ENOX1: variants seen among roughly 807,000 people sequenced by gnomAD.
ENOX1 encodes candidate growth-related and time keeping constitutive hydroquinone (NADH) oxidase.
ENOX1 carries 42 observed loss-of-function variants against 82.5 expected under a neutral mutation model. The observed-to-expected ratio is 0.51, with a 90% CI of 0.40 to 0.66. ENOX1 has a LOEUF of 0.66. Among genes scored for constraint, ENOX1 ranks in the 30% least tolerant of loss-of-function variants. ENOX1 has a pLI of 0.00. For synonymous variants in ENOX1, 271 were observed against 282.2 expected (o/e 0.96, Z 0.40); for missense variants, 608 against 811.6 (o/e 0.75, Z 3.05).
intron 11 of ENOX1, among the ~76,000 whole-genome samples, chr13:43,306,643 C>T (rs991807191): frequency 2.0e-5 from 3 of 152,162 alleles, no homozygotes; most frequent in Admixed American, 6.5e-5. Flanking sequence ...AAACAGCAAT[C>T]CTTCCCTCCA....
chr13:43,533,510 C>G (rs957521693), intron 2 of ENOX1, among the ~76,000 whole-genome samples: 1 of 152,126 alleles, frequency 6.6e-6, no homozygotes, highest in Non-Finnish European at 1.5e-5. Context: ...TGTCACCCAA[C>G]TACCTTCCTG....
intron 14 of ENOX1, among the ~76,000 whole-genome samples, chr13:43,250,433 T>C (rs1320787960): frequency 1.3e-5 from 2 of 152,216 alleles, no homozygotes; most frequent in African/African-American, 2.4e-5. Flanking sequence ...ACAGGCGGCA[T>C]TGTGCCTGTC....
At chr13:43,286,750 T>C (rs2045721972) in intron 12 of ENOX1, among the ~76,000 whole-genome samples, 1 of 152,212 alleles carries the variant, frequency 6.6e-6, no homozygotes, top group South Asian at 2.1e-4. Context: ...AGAAGTGAAT[T>C]CAGAGATTTA....
intron 1 of ENOX1, among the ~76,000 whole-genome samples, chr13:43,722,514 A>T (rs185935572): frequency 2.4e-3 from 367 of 152,360 alleles, no homozygotes; most frequent in Non-Finnish European, 3.7e-3. Context: ...CTTTGAGAGT[A>T]CAGGACTACC....
At chr13:43,525,641 C>T (rs887077952) in intron 2 of ENOX1, among the ~76,000 whole-genome samples, 6 of 152,028 alleles carry the variant, frequency 3.9e-5, no homozygotes, top group Non-Finnish European at 8.8e-5. Flanking sequence ...CTAACCAACA[C>T]TTATTTGGTT....
At chr13:43,609,699 C>CATTTT (rs147557124) in intron 2 of ENOX1, among the ~76,000 whole-genome samples, 1 of 152,134 alleles carries the variant, frequency 6.6e-6, no homozygotes, top group Non-Finnish European at 1.5e-5. Context: ...TAAACCATGT[C>CATTTT]ATTTTATTTT....
At chr13:43,409,683 G>C (rs888565422) in intron 5 of ENOX1, among the ~76,000 whole-genome samples, 1 of 152,116 alleles carries the variant, frequency 6.6e-6, no homozygotes, top group Non-Finnish European at 1.5e-5. Flanking sequence ...GTAATCTAGA[G>C]ATTTGATGAA....
intron 2 of ENOX1, among the ~76,000 whole-genome samples, chr13:43,642,846 C>T (rs1319943512): frequency 2.0e-5 from 3 of 152,222 alleles, no homozygotes; most frequent in African/African-American, 7.2e-5. Flanking sequence ...TTTGAACTTC[C>T]TTCACGTAAG....
chr13:43,582,039 G>A (rs955204403), intron 2 of ENOX1, among the ~76,000 whole-genome samples: 3 of 151,946 alleles, frequency 2.0e-5, no homozygotes, highest in Non-Finnish European at 4.4e-5. Context: ...CACAAAATTT[G>A]AAAATCTATT....
intron 2 of ENOX1, among the ~76,000 whole-genome samples, chr13:43,647,800 T>C (rs1004324992): frequency 2.5e-4 from 38 of 152,222 alleles, no homozygotes; most frequent in African/African-American, 9.2e-4. Flanking sequence ...GGCCTGGAGA[T>C]GGGAGATTAT....
chr13:43,535,382 G>T (rs145007110), intron 2 of ENOX1, among the ~76,000 whole-genome samples: 1 of 152,182 alleles, frequency 6.6e-6, no homozygotes, highest in Admixed American at 6.5e-5. Context: ...TATGTAGCAA[G>T]ATCCATCTTT....
At chr13:43,366,869 A>G (rs1298525258) in intron 5 of ENOX1, among the ~76,000 whole-genome samples, 1 of 152,244 alleles carries the variant, frequency 6.6e-6, no homozygotes, top group African/African-American at 2.4e-5. Flanking sequence ...ACAAAACCAA[A>G]GTGTTCAGCA....
intron 2 of ENOX1, among the ~76,000 whole-genome samples, chr13:43,532,411 C>A (rs1203952264): frequency 6.6e-6 from 1 of 152,126 alleles, no homozygotes. Context: ...CCTGATAGAT[C>A]CTTTTTTATG....
chr13:43,276,947 C>T (rs889080133), intron 12 of ENOX1, among the ~76,000 whole-genome samples: 1 of 152,188 alleles, frequency 6.6e-6, no homozygotes, highest in African/African-American at 2.4e-5. Context: ...TGAAACTGCA[C>T]TCAATTTACA....
At chr13:43,303,272 C>A (rs959828066) in intron 11 of ENOX1, among the ~76,000 whole-genome samples, 2 of 152,240 alleles carry the variant, frequency 1.3e-5, no homozygotes, top group African/African-American at 4.8e-5. Flanking sequence ...TCCTCAGCCA[C>A]GATCCTGCCT....
intron 2 of ENOX1, among the ~76,000 whole-genome samples, chr13:43,508,587 G>C (rs2077258502): frequency 6.6e-6 from 1 of 151,834 alleles, no homozygotes; most frequent in Non-Finnish European, 1.5e-5. Context: ...AGAACTTCTG[G>C]GTTTTCCTCT....
chr13:43,673,192 T>C (rs921805403), intron 1 of ENOX1, among the ~76,000 whole-genome samples: 9 of 151,218 alleles, frequency 6.0e-5, no homozygotes, highest in African/African-American at 2.0e-4. Context: ...TATATATATA[T>C]ACATGTTCGA....
chr13:43,361,713 A>T (rs1475739014), intron 5 of ENOX1, among the ~76,000 whole-genome samples: 1 of 152,230 alleles, frequency 6.6e-6, no homozygotes, highest in Non-Finnish European at 1.5e-5. Flanking sequence ...ATTAAAATGT[A>T]AAAGCATGCA....
intron 14 of ENOX1, among the ~76,000 whole-genome samples, chr13:43,238,898 T>C (rs2042679652): frequency 6.6e-6 from 1 of 151,864 alleles, no homozygotes; most frequent in Non-Finnish European, 1.5e-5. Flanking sequence ...GGAAATGGAC[T>C]GTAGAGGGCA....
Sources: allele counts gnomAD v4.1 joint callset (sites outside exome capture counted in the v4.1 genomes callset), GRCh38; gene constraint gnomAD v4.1.1; transcripts MANE v1.5; gene names NCBI Gene and HGNC (gene_info 2026-07-23, HGNC 2026-07-21).